Variants in ASCC1 observed in about 807,000 individuals in gnomAD.
The protein encoded by ASCC1 is activating signal cointegrator 1 complex subunit 1, also known as ASC-1 complex subunit P50.
In ASCC1, 35 loss-of-function variants were observed where a neutral mutation model predicts 46.6. The ratio of observed to expected loss-of-function variants is 0.75; its 90% CI spans 0.57 to 0.99. ASCC1 has a LOEUF of 0.99. Among genes scored for constraint, ASCC1 ranks in the 50% least tolerant of loss-of-function variants. ASCC1 has a pLI of 0.00. For synonymous variants in ASCC1, 143 were observed against 146.6 expected, an observed-to-expected ratio of 0.98 and a Z score of 0.18; for missense variants, 376 against 428.7, an observed-to-expected ratio of 0.88 and a Z score of 1.09.
At chr10:72,108,400 A>T (rs1039956557) in intron 9 of ASCC1, among the ~76,000 whole-genome samples, 1 of 152,198 alleles carries the variant, frequency 6.6e-6, no homozygotes, top group Non-Finnish European at 1.5e-5. Context: ...TTGGAAAGGA[A>T]GTGAAAACAA....
At chr10:72,136,007 TTTG>T (rs908337578) in intron 7 of ASCC1, among the ~76,000 whole-genome samples, 30 of 152,040 alleles carry the variant, frequency 2.0e-4, no homozygotes, top group Admixed American at 6.5e-4. Context: ...AGGGTTGTTT[TTTG>T]TTGTTGTTGT....
At position 72,171,350 on chromosome 10, in the gene ASCC1, T is replaced by C. The variant is rs138959334; in HGVS notation, c.490-9676A>G. Reference sequence around the variant, plus strand: ...CTAGCTTCTAGAGGCTACCTGAATGTCTTGGCTCAGAGTCACATCACTTCA... The same window carrying C: ...CTAGCTTCTAGAGGCTACCTGAATGCCTTGGCTCAGAGTCACATCACTTCA... On this transcript the variant is annotated intron_variant, in intron 5 of 9. Transcript: ENST00000672957. Among the ~76,000 whole-genome samples, 57 of 152,296 alleles carry C rather than the reference T, an allele frequency of 3.7e-4. No homozygotes were observed. The East Asian group carries it at 0.01, about 27-fold the overall frequency.
intron 7 of ASCC1, among the ~76,000 whole-genome samples, chr10:72,137,527 C>CAAA (rs397956947): frequency 0.01 from 774 of 76,016 alleles, 17 homozygotes; most frequent in African/African-American, 0.037. Context: ...GACTCCATCT[C>CAAA]AAAAAAAAAA....
intron 5 of ASCC1, among the ~76,000 whole-genome samples, chr10:72,162,456 C>T (rs1051413830): frequency 1.3e-5 from 2 of 151,866 alleles, no homozygotes; most frequent in African/African-American, 4.8e-5. Flanking sequence ...CAAGAGTGAG[C>T]CACCGCGCCT....
chr10:72,137,219 A>G (rs909346685), intron 7 of ASCC1, among the ~76,000 whole-genome samples: 3 of 151,504 alleles, frequency 2.0e-5, no homozygotes, highest in Non-Finnish European at 4.4e-5. Context: ...CCAGGCCATC[A>G]ATGACAGTTT....
chr10:72,178,854 C>T (rs557215858), intron 5 of ASCC1, among the ~76,000 whole-genome samples: 32 of 152,106 alleles, frequency 2.1e-4, no homozygotes, highest in Admixed American at 1.7e-3. Context: ...AAGCACTTGA[C>T]GTATTTGACA....
In ASCC1 at chr10:72,202,994, C is replaced by T. The variant is rs553359609; in HGVS notation, c.310+433G>A. ...GACTGGTACTGATAAACCATAAAGA[C>T]GCCCATAGCTGGCCGGGCACGGTGG... On this transcript the variant is annotated intron_variant, in intron 4 of 9. Transcript: ENST00000672957. Among the ~76,000 whole-genome samples, 6 of 152,162 alleles carry T rather than the reference C, an allele frequency of 3.9e-5. No homozygotes were observed. In the South Asian group the frequency reaches 6.2e-4, roughly 16 times the overall value.
At position 72,153,661 on chromosome 10, in the gene ASCC1, C is replaced by G. The variant is rs906565862; in HGVS notation, c.627-673G>C. On this transcript the variant is annotated intron_variant, in intron 6 of 9. Transcript: ENST00000672957. ...CAGGATGGCCTCGATCTCCTGACCT[C>G]GTGATCTGCCCGCCTCAGCCTCCCA... 3.3e-5 allele frequency among the ~76,000 whole-genome samples: 5 copies of G among 152,018 alleles called. No individual in the cohort carries two copies. The East Asian group carries it at 9.6e-4, about 29-fold the overall frequency.
intron 3 of ASCC1, among the ~76,000 whole-genome samples, chr10:72,208,897 A>C (rs762626439): frequency 2.0e-5 from 3 of 152,074 alleles, no homozygotes; most frequent in Non-Finnish European, 4.4e-5. Context: ...AAAGATATTT[A>C]ACACACTTGT....
rs550431579 is a variant in ASCC1 at position 72,205,818 on chromosome 10, A to G, written c.213-2294T>C. Among the ~76,000 whole-genome samples, 3 of 151,942 alleles carry G rather than the reference A, an allele frequency of 2.0e-5. No homozygotes were observed. The East Asian group carries it at 5.8e-4, about 30-fold the overall frequency. On this transcript the variant is annotated intron_variant, in intron 3 of 9. Coordinates refer to ENST00000672957, the MANE Select transcript of ASCC1 (RefSeq NM_001198800.3). ...CTCAAAAAAATAACTAAATAAAATT[A>G]AATTAAATTTGGCTGGGGGTGGTGT...
intron 8 of ASCC1, among the ~76,000 whole-genome samples, chr10:72,131,313 G>A (rs1279521617): frequency 6.6e-6 from 1 of 152,122 alleles, no homozygotes; most frequent in Non-Finnish European, 1.5e-5. Context: ...CAGCTACTCA[G>A]GAGGCTGAGG....
chr10:72,152,508 T>C (rs947048404), intron 7 of ASCC1, among the ~76,000 whole-genome samples: 2 of 152,136 alleles, frequency 1.3e-5, no homozygotes, highest in African/African-American at 2.4e-5. Flanking sequence ...AGATTGTTAC[T>C]ATCAATACCC....
In ASCC1 at chr10:72,151,721, G is replaced by A. The variant is rs374849709; in HGVS notation, c.746+1148C>T. ...TTTTTTTTTTTTTAGACGGAGTCTCGCTCTGTCACCAGGCTGGAGTGCAGT... is the reference window on the plus strand; with the variant it reads ...TTTTTTTTTTTTTAGACGGAGTCTCACTCTGTCACCAGGCTGGAGTGCAGT... On this transcript the variant is annotated intron_variant, in intron 7 of 9. Coordinates refer to ENST00000672957, the MANE Select transcript of ASCC1 (RefSeq NM_001198800.3). 9.1e-4 allele frequency among the ~76,000 whole-genome samples: 137 copies of A among 150,604 alleles called. 2 individuals carry two copies. Among genetic ancestry groups the A allele is most frequent in the African/African-American group, 3.2e-3 (133 of 40,948 alleles).
intron 3 of ASCC1, among the ~76,000 whole-genome samples, chr10:72,207,510 G>T (rs1361460191): frequency 6.6e-6 from 1 of 152,190 alleles, no homozygotes; most frequent in Non-Finnish European, 1.5e-5. Flanking sequence ...ATTCCTACCA[G>T]GTCAAGTGGT....
At position 72,213,192 on chromosome 10, in the gene ASCC1, T is replaced by C. The variant is rs145940742; in HGVS notation, c.107A>G (p.Tyr36Cys). Residue 36 changes from tyrosine to cysteine, a missense_variant, in exon 2 of 10, where the codon TAT becomes TGT. Tyr to Cys is a radical substitution (Grantham distance 194). Transcript: ENST00000672957. ...YQHEEDEEDF[Y>C]QGSMECADEP... Reference sequence around the variant, plus strand: ...CAAAGAGCAACTAGGATTACCTTGATAGAAGTCCTCTTCATCTTCTTCATG... The same window carrying C: ...CAAAGAGCAACTAGGATTACCTTGACAGAAGTCCTCTTCATCTTCTTCATG... 3.3e-4 allele frequency: 536 copies of C among 1,604,514 alleles called. 2 individuals are homozygous for C. In the African/African-American group the frequency reaches 6.3e-3, roughly 19 times the overall value.
intron 3 of ASCC1, among the ~76,000 whole-genome samples, chr10:72,210,097 C>T (rs909630325): frequency 5.9e-5 from 9 of 152,068 alleles, no homozygotes; most frequent in African/African-American, 1.9e-4. Flanking sequence ...CTGAGGCCTC[C>T]CCAGATGCTG....
At chr10:72,137,778 G>C (rs575858949) in intron 7 of ASCC1, among the ~76,000 whole-genome samples, 1 of 152,128 alleles carries the variant, frequency 6.6e-6, no homozygotes, top group South Asian at 2.1e-4. Flanking sequence ...TGGATGGTGA[G>C]GTTACGTAAT....
chr10:72,197,106 C>A (rs1272506867), intron 4 of ASCC1, 117 bp from the exon 5 acceptor site: 1 of 878,748 alleles, frequency 1.1e-6, no homozygotes, highest in Non-Finnish European at 1.9e-6. Flanking sequence ...GTATATGAAT[C>A]TAAACAGGGG....
At chr10:72,151,698 T>A (rs747616138) in intron 7 of ASCC1, among the ~76,000 whole-genome samples, 58 of 152,184 alleles carry the variant, frequency 3.8e-4, no homozygotes, top group Non-Finnish European at 6.8e-4. Flanking sequence ...TTTTTAAATT[T>A]TTTTTTTTTT....
Sources: allele counts gnomAD v4.1 joint callset (sites outside exome capture counted in the v4.1 genomes callset), GRCh38; gene constraint gnomAD v4.1.1; transcripts MANE v1.5; gene names NCBI Gene and HGNC (gene_info 2026-07-23, HGNC 2026-07-21).